ATP6V1A: variants seen among roughly 807,000 people sequenced by gnomAD.
The protein encoded by ATP6V1A is ATPase H+ transporting V1 subunit A.
In ATP6V1A, 18 loss-of-function variants were observed where a neutral mutation model predicts 70.1. The observed-to-expected ratio is 0.26, with a 90% CI of 0.18 to 0.38. The LOEUF is 0.38. Among genes scored for constraint, ATP6V1A ranks in the 10% least tolerant of loss-of-function variants. ATP6V1A has a pLI of 1.00. For synonymous variants in ATP6V1A, 232 were observed against 253.8 expected, an observed-to-expected ratio of 0.91 and a Z score of 0.82; for missense variants, 424 against 772.4, an observed-to-expected ratio of 0.55 and a Z score of 5.35.
chr3:113,794,333 T>C lies in ATP6V1A; in HGVS notation c.989-539T>C, dbSNP rs901723859. 3.3e-5 allele frequency among the ~76,000 whole-genome samples: 5 copies of C among 152,358 alleles called. 1 individual carries two copies. The highest frequency in any genetic ancestry group is 4.1e-4 in the South Asian group (2 of 4,830). On this transcript the variant is annotated intron_variant, in intron 8 of 14. Transcript: ENST00000273398. ...CTACATTTGAAAATTAATTTCAGAC[T>C]TAATTATTTCAACAAAGAATAGAGA...
Position 113,767,335 on chromosome 3 carries a change from C to A in ATP6V1A, c.-13-11406C>A, listed in dbSNP as rs1175800586. On this transcript the variant is annotated intron_variant, in intron 1 of 14. Transcript: ENST00000273398. ...TCCAACTCCTGACCTCATCCACCTG[C>A]CTCAGCCTCTCAAAGTGCTCAGATT... Among the ~76,000 whole-genome samples, 3 of 152,236 alleles carry A rather than the reference C, an allele frequency of 2.0e-5. No homozygotes were observed. The East Asian group carries it at 5.8e-4, about 29-fold the overall frequency.
At chr3:113,797,379 A>G (rs920794413) in intron 11 of ATP6V1A, among the ~76,000 whole-genome samples, 77 of 151,866 alleles carry the variant, frequency 5.1e-4, no homozygotes, top group African/African-American at 1.7e-3. Flanking sequence ...CAGCCTCCCA[A>G]GTAAGCTGGC....
At chr3:113,807,112 A>T (rs1709283286) in intron 14 of ATP6V1A, among the ~76,000 whole-genome samples, 1 of 151,988 alleles carries the variant, frequency 6.6e-6, no homozygotes, top group Non-Finnish European at 1.5e-5. Context: ...TGAGATAAAT[A>T]AACAAAGGAA....
intron 2 of ATP6V1A, 199 bp from the exon 3 acceptor site, chr3:113,780,851 T>C: frequency 7.4e-7 from 1 of 1,347,034 alleles, no homozygotes; most frequent in South Asian, 1.3e-5. Flanking sequence ...ATAAATAATC[T>C]TTGGCTTACC....
At chr3:113,777,090 A>C (rs1246992950) in intron 1 of ATP6V1A, among the ~76,000 whole-genome samples, 4 of 152,154 alleles carry the variant, frequency 2.6e-5, no homozygotes, top group African/African-American at 9.7e-5. Flanking sequence ...CATGTATTTC[A>C]TCTCCCTCAT....
intron 1 of ATP6V1A, among the ~76,000 whole-genome samples, chr3:113,755,476 A>C (rs1708638171): frequency 1.3e-5 from 2 of 151,456 alleles, no homozygotes; most frequent in South Asian, 4.2e-4. Context: ...TGGCACACAC[A>C]TCTAGTTCCC....
At chr3:113,778,957 G>A (rs1456143419) in intron 2 of ATP6V1A, 122 bp downstream of exon 2, 3 of 635,954 alleles carry the variant, frequency 4.7e-6, no homozygotes, top group Non-Finnish European at 7.5e-6. Context: ...TTGTCCTTAG[G>A]CGATCTCATA....
intron 1 of ATP6V1A, among the ~76,000 whole-genome samples, chr3:113,750,375 A>G (rs1311737945): frequency 2.0e-5 from 3 of 152,280 alleles, no homozygotes; most frequent in African/African-American, 7.2e-5. Context: ...CCAGCTACTC[A>G]GGAGGCTGAG....
chr3:113,807,078 C>A (rs1259105126), intron 14 of ATP6V1A, among the ~76,000 whole-genome samples: 1 of 151,784 alleles, frequency 6.6e-6, no homozygotes, highest in Non-Finnish European at 1.5e-5. Flanking sequence ...ACATTTACAC[C>A]TTTTTAGTCT....
At chr3:113,792,252 G>A (rs1169673614) in intron 8 of ATP6V1A, among the ~76,000 whole-genome samples, 3 of 152,000 alleles carry the variant, frequency 2.0e-5, no homozygotes, top group African/African-American at 4.8e-5. Flanking sequence ...ATTCTTTATC[G>A]TCGTTTACGA....
intron 1 of ATP6V1A, among the ~76,000 whole-genome samples, chr3:113,775,974 T>A (rs537031378): frequency 1.4e-4 from 22 of 152,236 alleles, no homozygotes; most frequent in Non-Finnish European, 3.1e-4. Context: ...TTCTAGAACG[T>A]CTTGTTCTGT....
intron 8 of ATP6V1A, 93 bp downstream of exon 8, chr3:113,789,933 T>C: frequency 1.1e-6 from 1 of 918,242 alleles, no homozygotes; most frequent in Non-Finnish European, 1.7e-6. Context: ...ACTTTCATTC[T>C]AAAATATCTC....
chr3:113,791,760 G>A (rs918244284), intron 8 of ATP6V1A, among the ~76,000 whole-genome samples: 1 of 152,126 alleles, frequency 6.6e-6, no homozygotes, highest in Non-Finnish European at 1.5e-5. Context: ...GTACCTACTT[G>A]TGTTTTATTC....
chr3:113,768,081 ATTTC>A (rs1361391585), intron 1 of ATP6V1A, among the ~76,000 whole-genome samples: 2 of 152,196 alleles, frequency 1.3e-5, no homozygotes, highest in Non-Finnish European at 2.9e-5. Flanking sequence ...TATCTTCACT[ATTTC>A]TTTTTCAGGA....
chr3:113,805,544 G>T lies in ATP6V1A; in HGVS notation c.1761+19G>T. 1.9e-6 allele frequency: 3 copies of T among 1,578,238 alleles called. No homozygotes were observed. Among genetic ancestry groups the T allele is most frequent in the Non-Finnish European group, 2.6e-6 (3 of 1,161,670 alleles). Reference sequence around the variant, plus strand: ...ATTCAAGGTATATTTTGTTTCTGCTGTAACTTTTTTTATTTGGAAATGCTT... The same window carrying T: ...ATTCAAGGTATATTTTGTTTCTGCTTTAACTTTTTTTATTTGGAAATGCTT... On this transcript the variant is annotated intron_variant, in intron 14 of 14. Transcript: ENST00000273398.
At chr3:113,805,210 T>G in intron 13 of ATP6V1A, 144 bp from the exon 14 acceptor site, 1 of 815,946 alleles carries the variant, frequency 1.2e-6, no homozygotes, top group East Asian at 2.8e-5. Flanking sequence ...TTCACTATTA[T>G]TTTTTTATTC....
chr3:113,784,926 AT>A, intron 5 of ATP6V1A, 93 bp downstream of exon 5: 4 of 1,311,380 alleles, frequency 3.1e-6, no homozygotes, highest in Non-Finnish European at 4.1e-6. Context: ...AAGAATTGAT[AT>A]TTAATACATA....
chr3:113,763,231 G>A (rs1708726734), intron 1 of ATP6V1A, among the ~76,000 whole-genome samples: 1 of 152,112 alleles, frequency 6.6e-6, no homozygotes, highest in Non-Finnish European at 1.5e-5. Context: ...GGGACTACAG[G>A]CACCTGCCAT....
chr3:113,789,338 G>A (rs888989213), intron 7 of ATP6V1A, among the ~76,000 whole-genome samples: 3 of 152,050 alleles, frequency 2.0e-5, no homozygotes, highest in African/African-American at 4.8e-5. Flanking sequence ...ATGAGCCACC[G>A]TGCCTGGCCA....
Sources: allele counts gnomAD v4.1 joint callset (sites outside exome capture counted in the v4.1 genomes callset), GRCh38; gene constraint gnomAD v4.1.1; transcripts MANE v1.5; gene names NCBI Gene and HGNC (gene_info 2026-07-23, HGNC 2026-07-21).